The following DLGAP1 variants were observed in gnomAD, a reference collection of about 807,000 sequenced individuals.
DLGAP1 encodes the protein disks large-associated protein 1.
DLGAP1 carries 11 observed loss-of-function variants against 90.8 expected under a neutral mutation model. That is an observed-to-expected ratio of 0.12 (90% CI 0.08 to 0.20). The LOEUF (loss-of-function observed/expected upper bound fraction) is 0.20, where lower values mean the gene tolerates loss of function less well. Among genes scored for constraint, DLGAP1 ranks in the 10% least tolerant of loss-of-function variants. DLGAP1 has a pLI of 1.00. For synonymous variants in DLGAP1, 558 were observed against 540.7 expected, an observed-to-expected ratio of 1.03 and a Z score of -0.44; for missense variants, 1,050 against 1,333.8, an observed-to-expected ratio of 0.79 and a Z score of 3.31.
intron 7 of DLGAP1, among the ~76,000 whole-genome samples, chr18:3,610,931 GT>G (rs1568301658): frequency 6.6e-6 from 1 of 150,474 alleles, no homozygotes. Flanking sequence ...TGGCAGAAGA[GT>G]TTTCATAATT....
chr18:3,772,199 C>T (rs1190921022), intron 5 of DLGAP1, among the ~76,000 whole-genome samples: 1 of 83,234 alleles, frequency 1.2e-5, no homozygotes, highest in Admixed American at 1.5e-4. Flanking sequence ...CCTTTCTCTT[C>T]TTCTCTCCTT....
At chr18:3,969,860 T>C (rs2073407995) in intron 3 of DLGAP1, among the ~76,000 whole-genome samples, 1 of 152,192 alleles carries the variant, frequency 6.6e-6, no homozygotes, top group Non-Finnish European at 1.5e-5. Flanking sequence ...GGGCCTTTCT[T>C]GAATAGAATA....
chr18:3,501,951 A>G (rs1187102743), intron 12 of DLGAP1, among the ~76,000 whole-genome samples: 2 of 16,966 alleles, frequency 1.2e-4, no homozygotes, highest in Non-Finnish European at 1.7e-4. Flanking sequence ...ACTGTTTTGA[A>G]AAAAAAAAAA....
At chr18:3,764,287 T>G (rs1176863244) in intron 5 of DLGAP1, among the ~76,000 whole-genome samples, 1 of 152,240 alleles carries the variant, frequency 6.6e-6, no homozygotes, top group East Asian at 1.9e-4. Context: ...GTCATCTATA[T>G]CCTTACTCAA....
chr18:3,528,817 G>A (rs1398150010), intron 10 of DLGAP1, among the ~76,000 whole-genome samples: 1 of 152,140 alleles, frequency 6.6e-6, no homozygotes, highest in Non-Finnish European at 1.5e-5. Flanking sequence ...TAGAATTTTG[G>A]AATCCCAGTA....
chr18:4,064,027 C>T (rs886446887), intron 2 of DLGAP1, among the ~76,000 whole-genome samples: 4 of 152,062 alleles, frequency 2.6e-5, no homozygotes, highest in East Asian at 1.9e-4. Context: ...ACCCACCTGG[C>T]ATGTCCTCCT....
intron 7 of DLGAP1, chr18:3,604,412 C>G (rs1438665027): frequency 1.3e-5 from 2 of 151,742 alleles, no homozygotes; most frequent in African/African-American, 2.4e-5. Flanking sequence ...TTGGGATGTA[C>G]TTCAAATTAA....
intron 2 of DLGAP1, among the ~76,000 whole-genome samples, chr18:4,027,115 G>A (rs2074713161): frequency 6.6e-6 from 1 of 152,064 alleles, no homozygotes; most frequent in South Asian, 2.1e-4. Flanking sequence ...TAGTCAGCAT[G>A]CTTTTTAGGA....
intron 3 of DLGAP1, among the ~76,000 whole-genome samples, chr18:3,968,360 T>A (rs2148998848): frequency 6.6e-6 from 1 of 152,326 alleles, no homozygotes; most frequent in African/African-American, 2.4e-5. Context: ...GCAGTAAAAT[T>A]TCTAGCACTT....
chr18:3,594,571 C>G (rs1427202682), intron 7 of DLGAP1: 1 of 152,086 alleles, frequency 6.6e-6, no homozygotes, highest in Non-Finnish European at 1.5e-5. Context: ...CTCAGAATGG[C>G]GTCCTTTTTT....
At chr18:3,679,452 G>A (rs554645273) in intron 7 of DLGAP1, among the ~76,000 whole-genome samples, 4 of 151,804 alleles carry the variant, frequency 2.6e-5, no homozygotes, top group East Asian at 1.9e-4. Flanking sequence ...ATGTGTAGCC[G>A]CGCCAAGAAT....
intron 9 of DLGAP1, among the ~76,000 whole-genome samples, chr18:3,549,967 G>A (rs1459039325): frequency 6.6e-6 from 1 of 152,110 alleles, no homozygotes; most frequent in Non-Finnish European, 1.5e-5. Flanking sequence ...AGGCTGGAGT[G>A]CAGTGGCACA....
intron 1 of DLGAP1, among the ~76,000 whole-genome samples, chr18:4,380,220 CACTT>C (rs1209376519): frequency 6.6e-6 from 1 of 152,132 alleles, no homozygotes; most frequent in Non-Finnish European, 1.5e-5. Flanking sequence ...TCCCAAATAT[CACTT>C]ACTGGAAAAT....
At chr18:3,856,689 G>A (rs1206290014) in intron 4 of DLGAP1, among the ~76,000 whole-genome samples, 1 of 152,068 alleles carries the variant, frequency 6.6e-6, no homozygotes, top group East Asian at 1.9e-4. Context: ...GTGAAACCCC[G>A]TCTCTACTAA....
chr18:3,581,267 C>T (rs2055493159), intron 8 of DLGAP1, among the ~76,000 whole-genome samples: 1 of 152,126 alleles, frequency 6.6e-6, no homozygotes, highest in Non-Finnish European at 1.5e-5. Flanking sequence ...TTGGTGAGGC[C>T]CTTGATCACC....
At position 3,879,457 on chromosome 18, in the gene DLGAP1, C is replaced by G. The variant is rs746208952; in HGVS notation, c.612G>C (p.Ser204=). ...RPSTSPGWWS[S]DDNLDGDMCI... ...ACATGTCACCATCCAGGTTGTCGTC[C>G]GAGCTCCACCAGCCCGGGGAGGTGC... The change falls in exon 4 of 13, where the codon TCG becomes TCC. Residue 204 remains serine (S), a synonymous_variant. Coordinates refer to ENST00000315677, the MANE Select transcript of DLGAP1 (RefSeq NM_004746.4). The surrounding 1 kb of genome is among the most constrained non-coding windows in gnomAD (Gnocchi z 6.6). 4 of 1,606,720 alleles carry G rather than the reference C, an allele frequency of 2.5e-6. No homozygotes were observed. Among genetic ancestry groups the G allele is most frequent in the East Asian group, 2.2e-5 (1 of 44,870 alleles).
intron 2 of DLGAP1, among the ~76,000 whole-genome samples, chr18:4,039,936 C>T (rs2074950691): frequency 6.6e-6 from 1 of 152,222 alleles, no homozygotes; most frequent in Admixed American, 6.5e-5. Context: ...CAGCATCATA[C>T]ATTTCCATGT....
At chr18:3,899,500 T>C (rs2071736230) in intron 3 of DLGAP1, among the ~76,000 whole-genome samples, 1 of 152,206 alleles carries the variant, frequency 6.6e-6, no homozygotes, top group Non-Finnish European at 1.5e-5. Flanking sequence ...GGAAAATCAT[T>C]AACTTCATAT....
intron 3 of DLGAP1, among the ~76,000 whole-genome samples, chr18:3,972,631 A>G (rs2073478383): frequency 6.6e-6 from 1 of 152,186 alleles, no homozygotes; most frequent in Non-Finnish European, 1.5e-5. Context: ...GGCATCCGAT[A>G]GTCCTAACTA....
Sources: allele counts gnomAD v4.1 joint callset (sites outside exome capture counted in the v4.1 genomes callset), GRCh38; gene constraint gnomAD v4.1.1; non-coding constraint Gnocchi (gnomAD v3.1); transcripts MANE v1.5; gene names NCBI Gene and HGNC (gene_info 2026-07-23, HGNC 2026-07-21).